Variants in PPM1L observed in about 807,000 individuals in gnomAD.
The protein encoded by PPM1L is protein phosphatase, Mg2+/Mn2+ dependent 1L.
PPM1L carries 13 observed loss-of-function variants against 31.4 expected under a neutral mutation model. The observed-to-expected ratio is 0.41, with a 90% CI of 0.27 to 0.66. PPM1L has a LOEUF of 0.66. Ranked by LOEUF, PPM1L falls within the 30% of genes least tolerant of loss-of-function variation. The pLI is 0.29. For missense variants in PPM1L, 326 were observed against 453.7 expected, an observed-to-expected ratio of 0.72 and a Z score of 2.56; for synonymous variants, 184 against 175.4, an observed-to-expected ratio of 1.05 and a Z score of -0.39.
chr3:160,800,302 T>C (rs1281800970), intron 1 of PPM1L, among the ~76,000 whole-genome samples: 5 of 152,200 alleles, frequency 3.3e-5, no homozygotes, highest in Non-Finnish European at 7.4e-5. Context: ...TGTAGGTCAC[T>C]GTTGTGTGGT....
chr3:160,776,625 A>G (rs1711563703), intron 1 of PPM1L, among the ~76,000 whole-genome samples: 1 of 139,570 alleles, frequency 7.2e-6, no homozygotes, highest in African/African-American at 2.7e-5. Context: ...TTTTTTGGAG[A>G]CAGAGTCTCA....
chr3:160,841,833 G>A (rs555049542), intron 1 of PPM1L, among the ~76,000 whole-genome samples: 2 of 152,344 alleles, frequency 1.3e-5, no homozygotes, highest in South Asian at 4.1e-4. Flanking sequence ...TGTGAATACA[G>A]TGAAATATTG....
At chr3:160,887,147 G>T (rs1220082783) in intron 1 of PPM1L, among the ~76,000 whole-genome samples, 2 of 151,934 alleles carry the variant, frequency 1.3e-5, no homozygotes, top group Non-Finnish European at 2.9e-5. Flanking sequence ...AATGCATGCA[G>T]ACAAGATTAG....
chr3:161,000,949 A>G (rs1390291063), intron 2 of PPM1L, among the ~76,000 whole-genome samples: 3 of 152,234 alleles, frequency 2.0e-5, no homozygotes, highest in Admixed American at 1.3e-4. Context: ...ACAGAACACC[A>G]GATCATTGAA....
At chr3:160,807,420 A>T (rs1712637814) in intron 1 of PPM1L, among the ~76,000 whole-genome samples, 1 of 152,188 alleles carries the variant, frequency 6.6e-6, no homozygotes, top group Non-Finnish European at 1.5e-5. Flanking sequence ...CTACATTTTG[A>T]TTTAAATTTC....
intron 1 of PPM1L, among the ~76,000 whole-genome samples, chr3:160,839,368 T>C (rs573375529): frequency 6.6e-6 from 1 of 152,270 alleles, no homozygotes; most frequent in African/African-American, 2.4e-5. Context: ...TTCCCATCTC[T>C]AGGAGTGGGT....
chr3:160,897,588 G>C (rs771677319), intron 1 of PPM1L, among the ~76,000 whole-genome samples: 4 of 152,180 alleles, frequency 2.6e-5, no homozygotes, highest in Non-Finnish European at 4.4e-5. Flanking sequence ...CAAGCTTTAA[G>C]GCTTTGAGCA....
chr3:161,045,954 A>G (rs1299588417), intron 2 of PPM1L, among the ~76,000 whole-genome samples: 8 of 151,816 alleles, frequency 5.3e-5, no homozygotes, highest in Non-Finnish European at 1.2e-4. Context: ...TATTAAAAAT[A>G]CAAAAAATTA....
intron 1 of PPM1L, among the ~76,000 whole-genome samples, chr3:160,801,918 A>T (rs778447147): frequency 1.3e-5 from 2 of 151,988 alleles, no homozygotes; most frequent in Non-Finnish European, 2.9e-5. Context: ...GTTTCTTCTT[A>T]CTTTTAGCCA....
At chr3:160,757,118 G>A (rs1435035352) in intron 1 of PPM1L, among the ~76,000 whole-genome samples, 1 of 152,198 alleles carries the variant, frequency 6.6e-6, no homozygotes, top group African/African-American at 2.4e-5. Context: ...GCACAGAGAA[G>A]GAAGACAATA....
chr3:160,794,331 C>T (rs1712182862), intron 1 of PPM1L, among the ~76,000 whole-genome samples: 1 of 152,102 alleles, frequency 6.6e-6, no homozygotes, highest in Admixed American at 6.6e-5. Context: ...AAAGGGCATT[C>T]TGAGTTGGTT....
intron 2 of PPM1L, among the ~76,000 whole-genome samples, chr3:161,012,687 A>T (rs1437614641): frequency 2.6e-5 from 4 of 152,010 alleles, no homozygotes; most frequent in Admixed American, 6.6e-5. Flanking sequence ...TTATTGCCAC[A>T]ATTTCAGCTC....
At chr3:160,844,941 A>C (rs1331965166) in intron 1 of PPM1L, among the ~76,000 whole-genome samples, 2 of 152,066 alleles carry the variant, frequency 1.3e-5, no homozygotes, top group African/African-American at 4.8e-5. Flanking sequence ...GGCAAACACT[A>C]ATCTACTTTC....
Position 161,074,258 on chromosome 3 carries a change from T to C in PPM1L, c.*5101T>C, listed in dbSNP as rs1291762587. Reference sequence around the variant, plus strand: ...CCATATCATCCCACCTTTCATGTTTTATGTACATAGTTAAGTTTGGCATGT... The same window carrying C: ...CCATATCATCCCACCTTTCATGTTTCATGTACATAGTTAAGTTTGGCATGT... On this transcript the variant is annotated 3_prime_UTR_variant, in exon 4 of 4. Coordinates refer to ENST00000498165, the MANE Select transcript of PPM1L (RefSeq NM_139245.4). 1 of 152,262 alleles carries C rather than the reference T, an allele frequency of 6.6e-6. No individual in the cohort carries two copies. Among genetic ancestry groups the C allele is most frequent in the Non-Finnish European group, 1.5e-5 (1 of 68,050 alleles). 9.4% of individuals were successfully genotyped at this position (152,262 alleles called of 1,614,324 possible).
intron 2 of PPM1L, among the ~76,000 whole-genome samples, chr3:160,991,094 G>GA (rs1036927172): frequency 1.6e-4 from 22 of 140,730 alleles, no homozygotes; most frequent in African/African-American, 5.0e-4. Flanking sequence ...AAAAAAAAAA[G>GA]AAAAAAATCA....
At chr3:160,835,036 A>ACTTCTTCTTCTTCTTCTTCTT (rs1491239346) in intron 1 of PPM1L, among the ~76,000 whole-genome samples, 47 of 72,020 alleles carry the variant, frequency 6.5e-4, no homozygotes, top group East Asian at 1.3e-3. Flanking sequence ...TATTACTACT[A>ACTTCTTCTTCTTCTTCTTCTT]CTACTTCTTC....
chr3:160,955,481 A>T (rs1715739571), intron 1 of PPM1L, among the ~76,000 whole-genome samples: 1 of 151,734 alleles, frequency 6.6e-6, no homozygotes, highest in Non-Finnish European at 1.5e-5. Flanking sequence ...ATTCATGCGT[A>T]TTTTTGCATT....
At chr3:160,815,134 C>T (rs770084757) in intron 1 of PPM1L, among the ~76,000 whole-genome samples, 1 of 151,916 alleles carries the variant, frequency 6.6e-6, no homozygotes, top group Non-Finnish European at 1.5e-5. Flanking sequence ...AATGAAATAC[C>T]ACCTGTTCCC....
At chr3:160,801,100 A>AT (rs1355995516) in intron 1 of PPM1L, among the ~76,000 whole-genome samples, 1 of 150,288 alleles carries the variant, frequency 6.7e-6, no homozygotes, top group Admixed American at 6.7e-5. Context: ...CAACAGGGGA[A>AT]TGGTAAGGTT....
Sources: gnomAD v4.1 joint callset for allele counts (sites outside exome capture counted in the v4.1 genomes callset) on GRCh38, gnomAD v4.1.1 for gene constraint, MANE v1.5 for transcripts, NCBI Gene and HGNC (gene_info 2026-07-23, HGNC 2026-07-21) for gene names.